The following PLCB1 variants were observed in gnomAD, a reference collection of about 807,000 sequenced individuals.
The protein encoded by PLCB1 is phospholipase C beta 1.
PLCB1 carries 46 observed loss-of-function variants against 161.8 expected under a neutral mutation model. That is an observed-to-expected ratio of 0.28 (90% confidence interval 0.22 to 0.36). PLCB1 has a LOEUF of 0.36. Ranked by LOEUF, PLCB1 falls within the 10% of genes least tolerant of loss-of-function variation. The pLI, the probability that PLCB1 is intolerant of heterozygous loss-of-function variation, is 1.00. For missense variants in PLCB1, 1,016 were observed against 1,472.5 expected (o/e 0.69, Z 5.07); for synonymous variants, 517 against 503.7 (o/e 1.03, Z -0.35).
chr20:8,844,573 T>G (rs1246681347), intron 31 of PLCB1, among the ~76,000 whole-genome samples: 1 of 151,484 alleles, frequency 6.6e-6, no homozygotes, highest in Non-Finnish European at 1.5e-5. Context: ...AAGTGAGACC[T>G]GGTATCAAAA....
In PLCB1 at chr20:8,744,140, C is replaced by T. The variant is rs78703950; in HGVS notation, c.2523+2567C>T. On this transcript the variant is annotated intron_variant, in intron 23 of 31. Coordinates refer to ENST00000338037, the MANE Select transcript of PLCB1 (RefSeq NM_015192.4). ...ATGACACACCTATATGACAAACCCT[C>T]ATGTGTACCCCTGAACCTAAAATAA... Among the ~76,000 whole-genome samples the T allele has an allele frequency of 5.4e-3, 824 of 152,084 alleles. 7 individuals carry two copies. Among genetic ancestry groups the T allele is most frequent in the African/African-American group, 0.019 (787 of 41,484 alleles).
At chr20:8,319,354 CTGACTTCTG>C (rs1984800396) in intron 2 of PLCB1, among the ~76,000 whole-genome samples, 1 of 152,034 alleles carries the variant, frequency 6.6e-6, no homozygotes, top group Non-Finnish European at 1.5e-5. Flanking sequence ...TGGCGAGTAG[CTGACTTCTG>C]TGATGGGGTG....
At chr20:8,633,992 C>A (rs565192403) in intron 4 of PLCB1, among the ~76,000 whole-genome samples, 1 of 152,282 alleles carries the variant, frequency 6.6e-6, no homozygotes, top group South Asian at 2.1e-4. Context: ...TAAGTAGTAG[C>A]CAGTAATTTA....
chr20:8,554,401 C>T (rs1985880437), intron 3 of PLCB1, among the ~76,000 whole-genome samples: 1 of 152,092 alleles, frequency 6.6e-6, no homozygotes, highest in Non-Finnish European at 1.5e-5. Flanking sequence ...GGTATAATCA[C>T]ATAATGGAAT....
intron 9 of PLCB1, among the ~76,000 whole-genome samples, chr20:8,676,675 C>CCAA (rs767497384): frequency 0.082 from 12,429 of 152,180 alleles, 691 homozygotes; most frequent in East Asian, 0.17. Context: ...GATCCCTCTG[C>CCAA]AGTGATGCCT....
intron 3 of PLCB1, among the ~76,000 whole-genome samples, chr20:8,483,640 G>A (rs1442010363): frequency 1.3e-5 from 2 of 151,988 alleles, no homozygotes; most frequent in African/African-American, 2.4e-5. Context: ...AGATAACTTC[G>A]GGACATTTGA....
intron 3 of PLCB1, among the ~76,000 whole-genome samples, chr20:8,603,013 G>A (rs559858912): frequency 1.2e-4 from 18 of 150,936 alleles, no homozygotes; most frequent in Admixed American, 8.5e-4. Flanking sequence ...ATAACTCATT[G>A]TTAAAGTATC....
chr20:8,781,571 A>G (rs114962716), intron 27 of PLCB1, among the ~76,000 whole-genome samples: 2,495 of 152,144 alleles, frequency 0.016, 42 homozygotes, highest in African/African-American at 0.057. Flanking sequence ...GCATGAATGT[A>G]GCTTAATTTA....
intron 19 of PLCB1, among the ~76,000 whole-genome samples, chr20:8,736,062 C>G (rs1186291701): frequency 1.3e-5 from 2 of 152,186 alleles, no homozygotes; most frequent in Non-Finnish European, 2.9e-5. Context: ...TAATGCTGTC[C>G]CCTTTTCACA....
At chr20:8,700,768 T>C (rs147311508) in intron 11 of PLCB1, among the ~76,000 whole-genome samples, 3 of 151,150 alleles carry the variant, frequency 2.0e-5, no homozygotes, top group Middle Eastern at 3.4e-3. Flanking sequence ...GTGACCAGGT[T>C]GGCTAAAGAC....
chr20:8,325,562 G>T (rs2122174888), intron 2 of PLCB1, among the ~76,000 whole-genome samples: 1 of 152,260 alleles, frequency 6.6e-6, no homozygotes, highest in Middle Eastern at 3.4e-3. Context: ...ACTGAGCTGA[G>T]AAATTTATCA....
At chr20:8,539,644 CTTTCTTTCTTTCT>C (rs1568499458) in intron 3 of PLCB1, among the ~76,000 whole-genome samples, 38 of 96,142 alleles carry the variant, frequency 4.0e-4, no homozygotes, top group African/African-American at 1.7e-3. Flanking sequence ...TTCTTTCTTT[CTTTCTTTCTTTCT>C]TTCTTTCTTT....
chr20:8,304,680 T>G (rs145964122), intron 2 of PLCB1, among the ~76,000 whole-genome samples: 18 of 151,572 alleles, frequency 1.2e-4, no homozygotes, highest in African/African-American at 4.1e-4. Flanking sequence ...TTATGTAAAT[T>G]CTAATTACTA....
chr20:8,878,865 G>C (rs768273267), intron 31 of PLCB1, among the ~76,000 whole-genome samples: 1 of 151,972 alleles, frequency 6.6e-6, no homozygotes, highest in Non-Finnish European at 1.5e-5. Flanking sequence ...ATATGTATGA[G>C]TATATTGTGC....
intron 3 of PLCB1, among the ~76,000 whole-genome samples, chr20:8,458,133 T>G (rs1175695197): frequency 6.6e-6 from 1 of 152,162 alleles, no homozygotes; most frequent in African/African-American, 2.4e-5. Context: ...AAGCAGATCT[T>G]GCTTCCTCCG....
chr20:8,396,826 G>A (rs1304747078), intron 3 of PLCB1, among the ~76,000 whole-genome samples: 2 of 152,014 alleles, frequency 1.3e-5, no homozygotes, highest in Non-Finnish European at 2.9e-5. Context: ...GCATGGCCAT[G>A]ATTCTAAATA....
At chr20:8,402,229 A>G (rs1272995330) in intron 3 of PLCB1, among the ~76,000 whole-genome samples, 4 of 152,104 alleles carry the variant, frequency 2.6e-5, no homozygotes, top group Non-Finnish European at 4.4e-5. Flanking sequence ...AACCATGTGT[A>G]TTTTTTATTG....
chr20:8,396,127 T>A (rs117486788), intron 3 of PLCB1, among the ~76,000 whole-genome samples: 2 of 152,202 alleles, frequency 1.3e-5, no homozygotes, highest in Non-Finnish European at 2.9e-5. Flanking sequence ...CTTTTGTAAG[T>A]TGAGCTTGTT....
At chr20:8,532,140 A>G (rs1984837902) in intron 3 of PLCB1, among the ~76,000 whole-genome samples, 1 of 152,202 alleles carries the variant, frequency 6.6e-6, no homozygotes, top group Non-Finnish European at 1.5e-5. Flanking sequence ...CCAGTCTAAT[A>G]TATTTTACAA....
Sources: gnomAD v4.1 joint callset for allele counts (sites outside exome capture counted in the v4.1 genomes callset) on GRCh38, gnomAD v4.1.1 for gene constraint, MANE v1.5 for transcripts, NCBI Gene and HGNC (gene_info 2026-07-23, HGNC 2026-07-21) for gene names.